Variants in CNTNAP2 observed in about 807,000 individuals in gnomAD.
The protein encoded by CNTNAP2 is contactin-associated protein-like 2.
Under a neutral mutation model 155.2 loss-of-function variants are expected in CNTNAP2, and 98 were observed. The observed-to-expected ratio is 0.63, with a 90% CI of 0.54 to 0.75. CNTNAP2 has a LOEUF of 0.75. CNTNAP2 is among the 30% of genes least tolerant of loss of function. CNTNAP2 has a pLI of 0.00. For missense variants in CNTNAP2, 1,727 were observed against 1,688.1 expected, an observed-to-expected ratio of 1.02 and a Z score of -0.40; for synonymous variants, 651 against 631.2, an observed-to-expected ratio of 1.03 and a Z score of -0.47.
intron 14 of CNTNAP2, chr7:147,940,224 C>T (rs934103717): frequency 1.4e-5 from 2 of 147,150 alleles, no homozygotes; most frequent in African/African-American, 2.5e-5. Context: ...TCAAAATTTC[C>T]ATTCTGATCG....
At chr7:147,738,144 T>G (rs1221657644) in intron 13 of CNTNAP2, among the ~76,000 whole-genome samples, 1 of 152,222 alleles carries the variant, frequency 6.6e-6, no homozygotes, top group Non-Finnish European at 1.5e-5. Flanking sequence ...CTGTTCCTAT[T>G]CAGCCATCTT....
chr7:147,116,777 C>T (rs1450052917), intron 5 of CNTNAP2, among the ~76,000 whole-genome samples: 1 of 152,094 alleles, frequency 6.6e-6, no homozygotes, highest in African/African-American at 2.4e-5. Flanking sequence ...TTGGAGGGCC[C>T]CAGCTGGGAG....
Position 147,435,732 on chromosome 7 carries a change from C to T in CNTNAP2, c.1670+39952C>T, listed in dbSNP as rs577640247. Among the ~76,000 whole-genome samples, 3 of 152,116 alleles carry T rather than the reference C, an allele frequency of 2.0e-5. No homozygotes were observed. The East Asian group carries it at 5.8e-4, about 29-fold the overall frequency. Reference sequence around the variant, plus strand: ...CCTAGGTTATCAAATCCAAGCTCTGCCATTTATTAATTGTGTCATTTTGAG... The same window carrying T: ...CCTAGGTTATCAAATCCAAGCTCTGTCATTTATTAATTGTGTCATTTTGAG... On this transcript the variant is annotated intron_variant, in intron 10 of 23. Transcript: ENST00000361727.
chr7:148,097,615 G>A (rs1804001265), intron 15 of CNTNAP2, among the ~76,000 whole-genome samples: 1 of 152,078 alleles, frequency 6.6e-6, no homozygotes, highest in South Asian at 2.1e-4. Context: ...CTCCTGAGTA[G>A]CTGGAAGCTA....
intron 1 of CNTNAP2, among the ~76,000 whole-genome samples, chr7:146,592,230 C>A (rs190565680): frequency 6.6e-6 from 1 of 152,178 alleles, no homozygotes; most frequent in Non-Finnish European, 1.5e-5. Flanking sequence ...AGATGAGGAT[C>A]TCTGTGGCAT....
In CNTNAP2 at chr7:146,998,810, T is replaced by C. The variant is rs147469372; in HGVS notation, c.403-45097T>C. 3.2e-3 allele frequency among the ~76,000 whole-genome samples: 490 copies of C among 152,158 alleles called. 1 individual carries two copies. Among genetic ancestry groups the C allele is most frequent in the African/African-American group, 0.011 (462 of 41,544 alleles). On this transcript the variant is annotated intron_variant, in intron 3 of 23. Transcript: ENST00000361727. ...TTTTCACAGATTTTGGCTTAAAGTC[T>C]ATTTTATCTGATATAACTATACCTA...
chr7:148,100,094 A>G (rs1294146875), intron 15 of CNTNAP2, among the ~76,000 whole-genome samples: 5 of 148,032 alleles, frequency 3.4e-5, no homozygotes, highest in Admixed American at 6.7e-5. Flanking sequence ...CTGGTCTTGA[A>G]CTCCTTCCCT....
At chr7:146,427,775 A>G (rs901486054) in intron 1 of CNTNAP2, among the ~76,000 whole-genome samples, 7 of 152,154 alleles carry the variant, frequency 4.6e-5, no homozygotes, top group Admixed American at 6.5e-5. Flanking sequence ...GGACATGTAC[A>G]GGTTATTCAG....
At chr7:148,381,201 TG>T (rs552760288) in intron 21 of CNTNAP2, among the ~76,000 whole-genome samples, 69 of 152,360 alleles carry the variant, frequency 4.5e-4, no homozygotes, top group African/African-American at 1.6e-3. Flanking sequence ...TTAGTTCTGC[TG>T]TCCCCAGACA....
At chr7:147,255,561 A>G (rs1449051870) in intron 8 of CNTNAP2, among the ~76,000 whole-genome samples, 2 of 152,068 alleles carry the variant, frequency 1.3e-5, no homozygotes, top group East Asian at 3.9e-4. Context: ...TATGTATTTT[A>G]AAGTCAATTA....
chr7:146,748,143 C>CTTTTCTTTT (rs60181692), intron 1 of CNTNAP2, among the ~76,000 whole-genome samples: 31 of 97,992 alleles, frequency 3.2e-4, no homozygotes, highest in East Asian at 6.8e-4. Flanking sequence ...CTTTTCTTTT[C>CTTTTCTTTT]TTTTTTTTTT....
Position 147,903,472 on chromosome 7 carries a change from A to G in CNTNAP2, c.2099-93A>G, listed in dbSNP as rs1585019917. On this transcript the variant is annotated intron_variant, in intron 13 of 23. Coordinates refer to ENST00000361727, the MANE Select transcript of CNTNAP2 (RefSeq NM_014141.6). Reference sequence around the variant, plus strand: ...AAGAGGGTTGAGTGATGTTCAGACTATCAGAGTATTCCTGGGGAAGTGGGT... The same window carrying G: ...AAGAGGGTTGAGTGATGTTCAGACTGTCAGAGTATTCCTGGGGAAGTGGGT... The G allele has an allele frequency of 1.6e-5, 22 of 1,353,242 alleles. No individual in the cohort carries two copies. In the East Asian group the frequency reaches 5.1e-4, roughly 31 times the overall value. The allele number at this position is 1,353,242 out of a possible 1,614,324, so 83.8% of individuals were successfully genotyped here.
chr7:147,124,038 A>G (rs753951961), intron 6 of CNTNAP2, among the ~76,000 whole-genome samples: 7 of 152,122 alleles, frequency 4.6e-5, no homozygotes, highest in Non-Finnish European at 8.8e-5. Flanking sequence ...GTGAAATTCC[A>G]TCTCAAAAAC....
At chr7:146,155,986 G>A (rs187045740) in intron 1 of CNTNAP2, among the ~76,000 whole-genome samples, 2 of 152,144 alleles carry the variant, frequency 1.3e-5, no homozygotes, top group East Asian at 3.9e-4. Flanking sequence ...TTACAGGCGT[G>A]AGCCACTACA....
intron 1 of CNTNAP2, among the ~76,000 whole-genome samples, chr7:146,483,306 T>TACAC (rs1563101721): frequency 6.6e-5 from 6 of 90,596 alleles, no homozygotes; most frequent in African/African-American, 3.2e-4. Flanking sequence ...TATATATATA[T>TACAC]ATATATATAT....
At chr7:146,149,537 G>A (rs1339662124) in intron 1 of CNTNAP2, among the ~76,000 whole-genome samples, 2 of 152,034 alleles carry the variant, frequency 1.3e-5, no homozygotes, top group African/African-American at 4.8e-5. Flanking sequence ...CATTATTTAG[G>A]ATAGTGAGAG....
intron 16 of CNTNAP2, among the ~76,000 whole-genome samples, chr7:148,128,148 C>T (rs1048716976): frequency 2.6e-5 from 4 of 152,180 alleles, no homozygotes; most frequent in African/African-American, 4.8e-5. Context: ...GGATTACAAT[C>T]GTCAGCCACC....
Position 147,493,119 on chromosome 7 carries a change from G to A in CNTNAP2, c.1777+7078G>A, listed in dbSNP as rs769240315. On this transcript the variant is annotated intron_variant, in intron 11 of 23. Transcript: ENST00000361727. ...GAGTGTAAGTCGCATCTACTGATCCGTATACTCTTCATTCGGTACACAGGC... is the reference window on the plus strand; with the variant it reads ...GAGTGTAAGTCGCATCTACTGATCCATATACTCTTCATTCGGTACACAGGC... 7.2e-5 allele frequency among the ~76,000 whole-genome samples: 11 copies of A among 152,152 alleles called. No individual in the cohort carries two copies. In the South Asian group the frequency reaches 8.3e-4, roughly 11 times the overall value.
intron 3 of CNTNAP2, among the ~76,000 whole-genome samples, chr7:146,907,108 A>T (rs1486869084): frequency 6.6e-6 from 1 of 151,944 alleles, no homozygotes; most frequent in Non-Finnish European, 1.5e-5. Context: ...GAGAAAAAAG[A>T]ATAAAAAGAA....
Sources: allele counts gnomAD v4.1 joint callset (sites outside exome capture counted in the v4.1 genomes callset), GRCh38; gene constraint gnomAD v4.1.1; transcripts MANE v1.5; gene names NCBI Gene and HGNC (gene_info 2026-07-23, HGNC 2026-07-21).